The following GABRG2 variants were observed in gnomAD, a reference collection of about 807,000 sequenced individuals.
GABRG2 encodes the protein gamma-aminobutyric acid receptor subunit gamma-2.
A neutral mutation model predicts 56.4 loss-of-function variants in GABRG2; 16 were observed. The observed-to-expected ratio is 0.28, with a 90% CI of 0.19 to 0.43. The LOEUF is 0.43. Among genes scored for constraint, GABRG2 ranks in the 20% least tolerant of loss-of-function variants. GABRG2 has a pLI of 1.00. For synonymous variants in GABRG2, 208 were observed against 205.5 expected (o/e 1.01, Z -0.10); for missense variants, 327 against 582.7 (o/e 0.56, Z 4.52).
At chr5:162,125,955 T>A (rs1763316742) in intron 6 of GABRG2, among the ~76,000 whole-genome samples, 1 of 151,984 alleles carries the variant, frequency 6.6e-6, no homozygotes, top group Non-Finnish European at 1.5e-5. Flanking sequence ...ATGGAAAGGT[T>A]ACAGTTATTA....
At chr5:162,129,925 G>C (rs1763613245) in intron 6 of GABRG2, among the ~76,000 whole-genome samples, 1 of 151,872 alleles carries the variant, frequency 6.6e-6, no homozygotes, top group Non-Finnish European at 1.5e-5. Context: ...GGAAGAGAAA[G>C]AGAATTAGAG....
chr5:162,100,483 C>G (rs1052487822), intron 4 of GABRG2: 1 of 152,120 alleles, frequency 6.6e-6, no homozygotes, highest in Non-Finnish European at 1.5e-5. Flanking sequence ...AGACATTTGA[C>G]TTTCAAATCT....
chr5:162,146,508 C>A (rs1273253906), intron 7 of GABRG2, among the ~76,000 whole-genome samples: 1 of 152,034 alleles, frequency 6.6e-6, no homozygotes, highest in African/African-American at 2.4e-5. Context: ...TTAAAAATAT[C>A]TCCCAAAAGT....
intron 4 of GABRG2, chr5:162,098,773 A>G (rs1253394054): frequency 6.6e-6 from 1 of 152,168 alleles, no homozygotes; most frequent in African/African-American, 2.4e-5. Flanking sequence ...GTTTTTATTT[A>G]GAAAAATTAA....
chr5:162,070,268 A>G (rs1485683913), intron 1 of GABRG2, among the ~76,000 whole-genome samples: 1 of 152,098 alleles, frequency 6.6e-6, no homozygotes. Flanking sequence ...ACATTCTCTC[A>G]TAGTGACAGA....
In GABRG2 at chr5:162,153,378, G is replaced by C. The variant is rs1256841509; in HGVS notation, c.*10G>C. 6.2e-7 allele frequency: 1 copy of C among 1,613,682 alleles called. No homozygotes were observed. The highest frequency in any genetic ancestry group is 2.2e-5 in the East Asian group (1 of 44,860). ...CTACCTCTACCTGTGAGGAGGTATG[G>C]GTTTTACTGATATGGTTCTTATTCA... On this transcript the variant is annotated 3_prime_UTR_variant, in exon 10 of 10. Coordinates refer to ENST00000639213, the MANE Select transcript of GABRG2 (RefSeq NM_198904.4).
rs1206000931 is a variant in GABRG2, at chr5:162,153,840, C to A, written c.*472C>A. 2 of 178,414 alleles carry A rather than the reference C, an allele frequency of 1.1e-5. No individual in the cohort carries two copies. The highest frequency in any genetic ancestry group is 4.8e-5 in the African/African-American group (2 of 41,930). The allele number at this position is 178,414 out of a possible 1,614,324, so 11.1% of individuals were successfully genotyped here. A position where few individuals can be genotyped will look rare whatever the true frequency, so the allele number is the denominator to read the frequency against. ...CTCACTTTAAATATGAAAGCCTAGT[C>A]CAGAAATCTATTACACCTTTATCTC... On this transcript the variant is annotated 3_prime_UTR_variant, in exon 10 of 10. Transcript: ENST00000639213.
chr5:162,122,268 A>G (rs1011979511), intron 6 of GABRG2, among the ~76,000 whole-genome samples: 2 of 151,968 alleles, frequency 1.3e-5, no homozygotes, highest in African/African-American at 4.8e-5. Flanking sequence ...GAATACTTAA[A>G]CGCAATTCAT....
At chr5:162,084,771 TC>T (rs1300143609) in intron 1 of GABRG2, among the ~76,000 whole-genome samples, 1 of 151,928 alleles carries the variant, frequency 6.6e-6, no homozygotes, top group African/African-American at 2.4e-5. Context: ...ATTACGTCCT[TC>T]TCTTTTATGG....
At chr5:162,093,456 C>T (rs1339387514) in intron 1 of GABRG2, among the ~76,000 whole-genome samples, 2 of 152,120 alleles carry the variant, frequency 1.3e-5, no homozygotes, top group African/African-American at 4.8e-5. Flanking sequence ...AAAGAGCAGA[C>T]ATTATACCTG....
intron 1 of GABRG2, among the ~76,000 whole-genome samples, chr5:162,090,301 G>GACATAC (rs1554097405): frequency 2.3e-4 from 34 of 145,594 alleles, no homozygotes; most frequent in African/African-American, 7.2e-4. Context: ...TATACACATA[G>GACATAC]ACATACACAT....
intron 6 of GABRG2, among the ~76,000 whole-genome samples, chr5:162,131,991 G>A (rs1247536305): frequency 6.6e-6 from 1 of 151,578 alleles, no homozygotes; most frequent in Non-Finnish European, 1.5e-5. Context: ...GTTCCTAGTA[G>A]AGCCTTCGGC....
At chr5:162,084,671 C>G (rs1260685231) in intron 1 of GABRG2, among the ~76,000 whole-genome samples, 1 of 151,684 alleles carries the variant, frequency 6.6e-6, no homozygotes, top group Non-Finnish European at 1.5e-5. Flanking sequence ...CAGTATATGC[C>G]GCACCTTGCA....
intron 7 of GABRG2, among the ~76,000 whole-genome samples, chr5:162,148,243 C>T (rs1012539172): frequency 2.0e-5 from 3 of 152,092 alleles, no homozygotes; most frequent in Non-Finnish European, 4.4e-5. Context: ...TGCTACTTAC[C>T]AACTATTGGA....
Position 162,153,440 on chromosome 5 carries a change from TTAAA to T in GABRG2, c.*76_*79del. On this transcript the variant is annotated 3_prime_UTR_variant, in exon 10 of 10. Coordinates refer to ENST00000639213, the MANE Select transcript of GABRG2 (RefSeq NM_198904.4). ...GGAGAGATGTCTGTTCTAAGTCCAC[TTAAA>T]TAATCCTCTATGTGGTTGATAATGA... 1 of 1,506,294 alleles carries T rather than the reference TTAAA, an allele frequency of 6.6e-7. No individual in the cohort carries two copies. Among genetic ancestry groups the T allele is most frequent in the Non-Finnish European group, 9.2e-7 (1 of 1,082,974 alleles). 93.3% of individuals were successfully genotyped at this position (1,506,294 alleles called of 1,614,324 possible).
At position 162,124,529 on chromosome 5, in the gene GABRG2, A is replaced by G. The variant is rs182784009; in HGVS notation, c.770-17635A>G. On this transcript the variant is annotated intron_variant, in intron 6 of 9. Coordinates refer to ENST00000639213, the MANE Select transcript of GABRG2 (RefSeq NM_198904.4). ...AATAGGAAGGAATGCGGCAATGCAC[A>G]TTCAGTTTTGTTTTGTTTTGTTTTT... Among the ~76,000 whole-genome samples the G allele has an allele frequency of 2.4e-3, 368 of 151,696 alleles. 3 individuals are homozygous for G. Among genetic ancestry groups the G allele is most frequent in the African/African-American group, 8.5e-3 (353 of 41,450 alleles).
At chr5:162,122,819 A>T (rs1211850976) in intron 6 of GABRG2, among the ~76,000 whole-genome samples, 1 of 151,716 alleles carries the variant, frequency 6.6e-6, no homozygotes, top group South Asian at 2.1e-4. Flanking sequence ...GCCCATTAAA[A>T]CCTAACATAA....
intron 6 of GABRG2, among the ~76,000 whole-genome samples, chr5:162,122,233 G>T (rs1253823480): frequency 1.3e-5 from 2 of 151,876 alleles, no homozygotes; most frequent in Non-Finnish European, 2.9e-5. Flanking sequence ...AATAAAAGTT[G>T]CATTGGCTAA....
intron 5 of GABRG2, 108 bp from the exon 6 acceptor site, chr5:162,103,781 G>C: frequency 1.6e-6 from 2 of 1,242,210 alleles, no homozygotes; most frequent in Non-Finnish European, 2.3e-6. Context: ...CATTTAGCTT[G>C]TAACTATCTT....
Sources: allele counts gnomAD v4.1 joint callset (sites outside exome capture counted in the v4.1 genomes callset), GRCh38; gene constraint gnomAD v4.1.1; transcripts MANE v1.5; gene names NCBI Gene and HGNC (gene_info 2026-07-23, HGNC 2026-07-21).